PPA2: variants seen among roughly 807,000 people sequenced by gnomAD.
The protein encoded by PPA2 is inorganic pyrophosphatase 2, mitochondrial.
In PPA2, 48 loss-of-function variants were observed where a neutral mutation model predicts 49.5. The ratio of observed to expected loss-of-function variants is 0.97; its 90% confidence interval spans 0.77 to 1.23. The LOEUF is 1.23. Among genes scored for constraint, PPA2 ranks in the 50% most tolerant of loss-of-function variants. The probability of loss-of-function intolerance (pLI) is 0.00; values close to 1 mark genes in which losing one functional copy is unlikely to be tolerated. For missense variants in PPA2, 429 were observed against 410.1 expected (o/e 1.05, Z -0.40); for synonymous variants, 131 against 139.9 (o/e 0.94, Z 0.45).
At chr4:105,416,678 G>T (rs1021205496) in intron 7 of PPA2, among the ~76,000 whole-genome samples, 1 of 152,174 alleles carries the variant, frequency 6.6e-6, no homozygotes, top group Non-Finnish European at 1.5e-5. Flanking sequence ...CCTGCAAAGA[G>T]AACTGATTTT....
At chr4:105,400,867 A>C (rs116667271) in intron 7 of PPA2, among the ~76,000 whole-genome samples, 2,512 of 152,270 alleles carry the variant, frequency 0.016, 52 homozygotes, top group African/African-American at 0.054. Context: ...ACAAATTAGG[A>C]AAAAAACTGA....
intron 1 of PPA2, among the ~76,000 whole-genome samples, chr4:105,466,348 C>A (rs1254308930): frequency 6.6e-6 from 1 of 151,270 alleles, no homozygotes; most frequent in Non-Finnish European, 1.5e-5. Context: ...ATACAAATTC[C>A]AATTCCCTGT....
chr4:105,432,351 ACAAACATTTAT>A (rs202150831), intron 6 of PPA2, among the ~76,000 whole-genome samples: 2,994 of 152,328 alleles, frequency 0.02, 79 homozygotes, highest in African/African-American at 0.064. Context: ...TCAAAAAAAT[ACAAACATTTAT>A]CAAATTAAAG....
At chr4:105,447,834 A>G (rs1458318920) in intron 4 of PPA2, among the ~76,000 whole-genome samples, 2 of 151,776 alleles carry the variant, frequency 1.3e-5, no homozygotes, top group Non-Finnish European at 2.9e-5. Flanking sequence ...CCTGGAAGCA[A>G]GCAAATCTCA....
intron 3 of PPA2, among the ~76,000 whole-genome samples, chr4:105,450,770 G>A (rs1722642861): frequency 1.3e-5 from 2 of 151,904 alleles, no homozygotes; most frequent in African/African-American, 4.8e-5. Context: ...ACCACTTCCG[G>A]CTAATTTTTT....
chr4:105,371,201 GCA>G (rs554944261), intron 10 of PPA2, among the ~76,000 whole-genome samples: 1 of 151,654 alleles, frequency 6.6e-6, no homozygotes, highest in Admixed American at 6.6e-5. Context: ...TTAAAATCAA[GCA>G]CACACACACA....
chr4:105,382,917 A>G (rs1302861184), intron 10 of PPA2, among the ~76,000 whole-genome samples: 1 of 152,068 alleles, frequency 6.6e-6, no homozygotes, highest in Non-Finnish European at 1.5e-5. Context: ...GGGAGGATCA[A>G]TTGAGCTCAG....
intron 1 of PPA2, among the ~76,000 whole-genome samples, chr4:105,470,362 T>C (rs966333970): frequency 1.3e-5 from 2 of 152,356 alleles, no homozygotes; most frequent in Middle Eastern, 3.4e-3. Context: ...GGTGCATGCC[T>C]GTAGTCCCAG....
chr4:105,405,808 AAAC>A (rs1560615477), intron 7 of PPA2: 1 of 480,102 alleles, frequency 2.1e-6, no homozygotes, highest in South Asian at 1.5e-5. Flanking sequence ...CAAAAATACA[AAAC>A]AACATGTAGG....
chr4:105,423,532 T>A (rs915882523), intron 7 of PPA2, among the ~76,000 whole-genome samples: 2 of 152,166 alleles, frequency 1.3e-5, no homozygotes, highest in Non-Finnish European at 2.9e-5. Flanking sequence ...GTAGGTATAA[T>A]CATCTCCCTT....
chr4:105,370,782 C>T (rs912965321), intron 11 of PPA2, 55 bp downstream of exon 11: 3 of 1,348,264 alleles, frequency 2.2e-6, no homozygotes, highest in African/African-American at 1.5e-5. Flanking sequence ...GCTTCCACTA[C>T]TGTAAACAAA....
chr4:105,402,146 C>T lies in PPA2; in HGVS notation c.656-2982G>A, dbSNP rs550443329. 2.0e-5 allele frequency among the ~76,000 whole-genome samples: 3 copies of T among 152,126 alleles called. No homozygotes were observed. The East Asian group carries it at 5.8e-4, about 29-fold the overall frequency. On this transcript the variant is annotated intron_variant, in intron 7 of 11. Coordinates refer to ENST00000341695, the MANE Select transcript of PPA2 (RefSeq NM_176869.3). ...GCCTGGAGCTAGGTGCCATGGCATG[C>T]CCCTAATCCCAGCTACTTGGGAAGC...
In PPA2 at chr4:105,421,916, G is replaced by A. The variant is rs565109258; in HGVS notation, c.655+2280C>T. Among the ~76,000 whole-genome samples the A allele has an allele frequency of 6.7e-4, 102 of 151,982 alleles. 3 individuals carry two copies. In the South Asian group the frequency reaches 0.02, roughly 30 times the overall value. ...AAATTAGCCAGGTGTGGTGGCGCGCGCCTGTACTCCCAACTAGTCAGGAGG... is the reference window on the plus strand; with the variant it reads ...AAATTAGCCAGGTGTGGTGGCGCGCACCTGTACTCCCAACTAGTCAGGAGG... On this transcript the variant is annotated intron_variant, in intron 7 of 11. Coordinates refer to ENST00000341695, the MANE Select transcript of PPA2 (RefSeq NM_176869.3).
intron 7 of PPA2, chr4:105,405,832 G>A (rs1179254348): frequency 2.2e-6 from 1 of 462,318 alleles, no homozygotes. Context: ...GCTGCATCCA[G>A]GGGCACACAG....
intron 7 of PPA2, among the ~76,000 whole-genome samples, chr4:105,413,638 G>T (rs960528904): frequency 3.3e-5 from 5 of 152,106 alleles, no homozygotes; most frequent in African/African-American, 1.2e-4. Flanking sequence ...ACAGACTCCT[G>T]TATAATGAAA....
intron 10 of PPA2, among the ~76,000 whole-genome samples, chr4:105,383,315 A>G (rs1733564302): frequency 1.3e-5 from 2 of 152,200 alleles, no homozygotes; most frequent in South Asian, 4.1e-4. Flanking sequence ...AGAATGATAA[A>G]TTACTTCTGT....
chr4:105,382,252 G>A (rs1413403940), intron 10 of PPA2, among the ~76,000 whole-genome samples: 4 of 151,792 alleles, frequency 2.6e-5, no homozygotes, highest in African/African-American at 7.3e-5. Flanking sequence ...AGAGAATGTG[G>A]TCTGCATGAC....
intron 9 of PPA2, among the ~76,000 whole-genome samples, chr4:105,387,850 TG>T (rs79816697): frequency 0.058 from 8,874 of 152,238 alleles, 470 homozygotes; most frequent in East Asian, 0.29. Context: ...GGCAGAGCCC[TG>T]TAAGTTAGAT....
chr4:105,431,968 C>T (rs895564120), intron 6 of PPA2, among the ~76,000 whole-genome samples: 1 of 152,020 alleles, frequency 6.6e-6, no homozygotes. Flanking sequence ...GATGGGGTTT[C>T]CTTTTGAGGT....
Sources: allele counts gnomAD v4.1 joint callset (sites outside exome capture counted in the v4.1 genomes callset), GRCh38; gene constraint gnomAD v4.1.1; transcripts MANE v1.5; gene names NCBI Gene and HGNC (gene_info 2026-07-23, HGNC 2026-07-21).